PTPRG: variants seen among roughly 807,000 people sequenced by gnomAD.
PTPRG encodes the protein receptor-type tyrosine-protein phosphatase gamma.
PTPRG carries 102 observed loss-of-function variants against 165.3 expected under a neutral mutation model. That is an observed-to-expected ratio of 0.62 (90% CI 0.53 to 0.73). The LOEUF (loss-of-function observed/expected upper bound fraction) is 0.73. PTPRG is among the 30% of genes least tolerant of loss of function. PTPRG has a pLI of 0.00. For synonymous variants in PTPRG, 675 were observed against 669.5 expected (o/e 1.01, Z -0.13); for missense variants, 1,866 against 1,861.4 (o/e 1.00, Z -0.05).
chr3:62,056,385 A>C (rs1700634999), intron 4 of PTPRG, among the ~76,000 whole-genome samples: 1 of 152,156 alleles, frequency 6.6e-6, no homozygotes, highest in Non-Finnish European at 1.5e-5. Context: ...GTGGCCCAAC[A>C]CAAATTTGTA....
chr3:62,015,599 C>T (rs559499229), intron 4 of PTPRG, among the ~76,000 whole-genome samples: 2 of 152,316 alleles, frequency 1.3e-5, no homozygotes, highest in African/African-American at 4.8e-5. Context: ...ACCCCAGCCT[C>T]CTGAACAGCT....
At chr3:61,964,797 C>T in intron 2 of PTPRG, among the ~76,000 whole-genome samples, 1 of 152,032 alleles carries the variant, frequency 6.6e-6, no homozygotes, top group East Asian at 1.9e-4. Flanking sequence ...TGATGAGTCG[C>T]TGGGTAGTTC....
At chr3:61,656,241 T>A (rs759758986) in intron 1 of PTPRG, among the ~76,000 whole-genome samples, 8 of 151,866 alleles carry the variant, frequency 5.3e-5, no homozygotes, top group South Asian at 2.1e-4. Context: ...CTTAAAAAAA[T>A]AAATAAATAA....
At chr3:62,138,828 G>T (rs1369538227) in intron 6 of PTPRG, among the ~76,000 whole-genome samples, 1 of 152,046 alleles carries the variant, frequency 6.6e-6, no homozygotes, top group African/African-American at 2.4e-5. Context: ...CAGTTAAGAG[G>T]TGTGTGTTTT....
chr3:61,726,095 A>G (rs2106811395), intron 1 of PTPRG, among the ~76,000 whole-genome samples: 1 of 152,230 alleles, frequency 6.6e-6, no homozygotes, highest in East Asian at 1.9e-4. Context: ...CACATATTTA[A>G]TCTAACCTCT....
chr3:61,753,786 G>A (rs9855420), intron 2 of PTPRG: 33 of 307,858 alleles, frequency 1.1e-4, no homozygotes, highest in African/African-American at 6.8e-4. Context: ...AGTAGAGATG[G>A]GGTTTCACCA....
chr3:62,110,645 C>G (rs1016610347), intron 5 of PTPRG, among the ~76,000 whole-genome samples: 2 of 152,080 alleles, frequency 1.3e-5, no homozygotes, highest in African/African-American at 4.8e-5. Flanking sequence ...GCATACAGTC[C>G]CATTAGCATT....
At chr3:62,044,293 C>A (rs1700219111) in intron 4 of PTPRG, among the ~76,000 whole-genome samples, 1 of 152,182 alleles carries the variant, frequency 6.6e-6, no homozygotes, top group African/African-American at 2.4e-5. Flanking sequence ...AATCCCAGCA[C>A]TTTGGGAGGC....
chr3:61,745,051 CTTT>C (rs10669472), intron 1 of PTPRG, among the ~76,000 whole-genome samples: 1 of 111,624 alleles, frequency 9.0e-6, no homozygotes, highest in Non-Finnish European at 1.7e-5. Context: ...CATTCCCTCA[CTTT>C]TTTTTTTTTT....
In PTPRG at chr3:61,843,874, T is replaced by C. The variant is rs185859097; in HGVS notation, c.190+94892T>C. Among the ~76,000 whole-genome samples the C allele has an allele frequency of 1.9e-4, 29 of 151,884 alleles. 2 individuals carry two copies. Among genetic ancestry groups the C allele is most frequent in the African/African-American group, 7.0e-4 (29 of 41,494 alleles). On this transcript the variant is annotated intron_variant, in intron 2 of 29. Coordinates refer to ENST00000474889, the MANE Select transcript of PTPRG (RefSeq NM_002841.4). ...TTTCCAAGTCACCAATTCCATGCAC[T>C]TAAAATGCTGCAAATTTCAGGTGAA...
intron 5 of PTPRG, among the ~76,000 whole-genome samples, chr3:62,080,993 C>T (rs983402709): frequency 2.0e-5 from 3 of 152,008 alleles, no homozygotes; most frequent in Non-Finnish European, 2.9e-5. Context: ...CGCGGTGGCT[C>T]ACACCTGTAA....
intron 2 of PTPRG, among the ~76,000 whole-genome samples, chr3:61,865,187 T>C (rs2037371072): frequency 6.6e-6 from 1 of 152,116 alleles, no homozygotes. Flanking sequence ...TGGATATTTG[T>C]GGGGTTAATA....
intron 2 of PTPRG, among the ~76,000 whole-genome samples, chr3:61,978,852 G>C (rs2040569825): frequency 6.6e-6 from 1 of 152,182 alleles, no homozygotes; most frequent in African/African-American, 2.4e-5. Context: ...GGCTGGATTT[G>C]ATTCACAGGC....
chr3:61,692,823 CG>C (rs1559559736), intron 1 of PTPRG, among the ~76,000 whole-genome samples: 2 of 152,122 alleles, frequency 1.3e-5, no homozygotes, highest in African/African-American at 4.8e-5. Flanking sequence ...TGGATGTGTA[CG>C]TGCAGGTCAC....
At chr3:62,176,305 C>G (rs763171386) in intron 8 of PTPRG, among the ~76,000 whole-genome samples, 2 of 152,154 alleles carry the variant, frequency 1.3e-5, no homozygotes, top group Non-Finnish European at 2.9e-5. Context: ...TATTGTTTCT[C>G]TTTAACAAGT....
At chr3:62,268,635 A>G (rs1576200482) in intron 19 of PTPRG, among the ~76,000 whole-genome samples, 1 of 152,188 alleles carries the variant, frequency 6.6e-6, no homozygotes, top group African/African-American at 2.4e-5. Context: ...TCTCACAGTT[A>G]GAAGAGAACC....
chr3:61,993,572 C>T (rs533351132), intron 3 of PTPRG, among the ~76,000 whole-genome samples: 112 of 152,178 alleles, frequency 7.4e-4, no homozygotes, highest in Non-Finnish European at 1.1e-3. Flanking sequence ...TTAAAGGGCT[C>T]ATGGTATCTG....
intron 17 of PTPRG, chr3:62,263,176 G>A: frequency 3.4e-6 from 1 of 295,338 alleles, no homozygotes. Flanking sequence ...ATCACATGTT[G>A]GGAGCCAAAA....
intron 2 of PTPRG, among the ~76,000 whole-genome samples, chr3:61,988,701 C>G (rs1385335856): frequency 1.3e-5 from 2 of 152,152 alleles, no homozygotes; most frequent in African/African-American, 4.8e-5. Flanking sequence ...AGGATTCAGT[C>G]TTAATCTTTC....
Sources: gnomAD v4.1 joint callset for allele counts (sites outside exome capture counted in the v4.1 genomes callset) on GRCh38, gnomAD v4.1.1 for gene constraint, MANE v1.5 for transcripts, NCBI Gene and HGNC (gene_info 2026-07-23, HGNC 2026-07-21) for gene names.